SLC38A6: variants seen among roughly 807,000 people sequenced by gnomAD.
SLC38A6 encodes solute carrier family 38 member 6.
SLC38A6 carries 73 observed loss-of-function variants against 65.0 expected under a neutral mutation model. That is an observed-to-expected ratio of 1.12 (90% CI 0.93 to 1.37). The LOEUF is 1.37. Ranked by LOEUF, SLC38A6 falls within the 40% of genes most tolerant of loss-of-function variation. SLC38A6 has a pLI of 0.00. For missense variants in SLC38A6, 561 were observed against 531.1 expected (o/e 1.06, Z -0.55); for synonymous variants, 183 against 178.8 (o/e 1.02, Z -0.19).
At chr14:61,061,285 G>T (rs2042832120) in intron 15 of SLC38A6, among the ~76,000 whole-genome samples, 1 of 152,202 alleles carries the variant, frequency 6.6e-6, no homozygotes, top group Admixed American at 6.5e-5. Context: ...CCGTATAAGT[G>T]TACTTGATCA....
chr14:61,027,539 T>A (rs991572193), intron 5 of SLC38A6, among the ~76,000 whole-genome samples: 2 of 152,148 alleles, frequency 1.3e-5, no homozygotes, highest in East Asian at 3.9e-4. Flanking sequence ...AGACAGCTAT[T>A]TGATCTAGTA....
chr14:61,004,926 C>T lies in SLC38A6; in HGVS notation c.311-10978C>T, dbSNP rs529175197. 9.2e-5 allele frequency among the ~76,000 whole-genome samples: 14 copies of T among 152,130 alleles called. 1 individual carries two copies. The South Asian group carries it at 2.9e-3, about 32-fold the overall frequency. ...CCAATATCCTTGATGAACATGGATG[C>T]AAAAATCCTCAATAAAATACTGGCA... On this transcript the variant is annotated intron_variant, in intron 3 of 15. Coordinates refer to ENST00000267488, the MANE Select transcript of SLC38A6 (RefSeq NM_153811.3).
Position 61,050,649 on chromosome 14 carries a change from A to C in SLC38A6, c.1050+13A>C, listed in dbSNP as rs770148939. ...AATCCACTTCCCTGTAAGTACTCTT[A>C]AAGGGTTTTGTTGCCTAGTATAGAC... On this transcript the variant is annotated intron_variant, in intron 13 of 15. Coordinates refer to ENST00000267488, the MANE Select transcript of SLC38A6 (RefSeq NM_153811.3). The C allele has an allele frequency of 2.6e-6, 4 of 1,533,550 alleles. No homozygotes were observed. Among genetic ancestry groups the C allele is most frequent in the Non-Finnish European group, 3.5e-6 (4 of 1,130,866 alleles). 95.0% of individuals were successfully genotyped at this position (1,533,550 alleles called of 1,614,324 possible).
At chr14:61,069,121 G>A (rs1458388618) in intron 15 of SLC38A6, among the ~76,000 whole-genome samples, 1 of 152,162 alleles carries the variant, frequency 6.6e-6, no homozygotes, top group Non-Finnish European at 1.5e-5. Flanking sequence ...CCAAATCTCT[G>A]AGGGTTACGA....
At chr14:61,032,864 A>C (rs1251412881) in intron 6 of SLC38A6, among the ~76,000 whole-genome samples, 1 of 151,896 alleles carries the variant, frequency 6.6e-6, no homozygotes, top group African/African-American at 2.4e-5. Context: ...TTAGGGTTTG[A>C]TATACAATAA....
intron 5 of SLC38A6, among the ~76,000 whole-genome samples, chr14:61,020,840 C>T (rs2040307307): frequency 6.6e-6 from 1 of 152,122 alleles, no homozygotes; most frequent in Non-Finnish European, 1.5e-5. Flanking sequence ...TTTAATCCCT[C>T]TTTATCCTCT....
intron 8 of SLC38A6, 148 bp downstream of exon 8, chr14:61,037,831 T>G: frequency 3.7e-6 from 2 of 545,410 alleles, no homozygotes; most frequent in Non-Finnish European, 6.4e-6. Flanking sequence ...TCCATTAAAT[T>G]ATTTCCTTCA....
chr14:61,040,338 A>ATT (rs71114180), intron 8 of SLC38A6, among the ~76,000 whole-genome samples: 24 of 134,740 alleles, frequency 1.8e-4, no homozygotes, highest in Admixed American at 2.3e-4. Flanking sequence ...CGCCTGGATA[A>ATT]TTTTTTTTTT....
chr14:60,995,318 A>G (rs2139326069), intron 3 of SLC38A6, among the ~76,000 whole-genome samples: 1 of 152,324 alleles, frequency 6.6e-6, no homozygotes, highest in Non-Finnish European at 1.5e-5. Flanking sequence ...ATTTTCAACA[A>G]CATGCATAGA....
At chr14:61,039,807 G>A (rs1294557925) in intron 8 of SLC38A6, among the ~76,000 whole-genome samples, 2 of 151,898 alleles carry the variant, frequency 1.3e-5, no homozygotes, top group East Asian at 1.9e-4. Flanking sequence ...ATATGTGTTT[G>A]TAAATATGTA....
intron 5 of SLC38A6, among the ~76,000 whole-genome samples, chr14:61,027,754 C>G (rs1385014714): frequency 6.6e-6 from 1 of 151,754 alleles, no homozygotes; most frequent in Admixed American, 6.6e-5. Context: ...CTAGCTAGTT[C>G]TTACATGAAA....
At chr14:60,998,203 C>T (rs546128319) in intron 3 of SLC38A6, among the ~76,000 whole-genome samples, 1 of 151,868 alleles carries the variant, frequency 6.6e-6, no homozygotes, top group South Asian at 2.1e-4. Flanking sequence ...GCCCCCACCC[C>T]CCAAGCCTGG....
chr14:61,007,302 A>G (rs983116301), intron 3 of SLC38A6, among the ~76,000 whole-genome samples: 8 of 147,018 alleles, frequency 5.4e-5, no homozygotes, highest in Non-Finnish European at 8.9e-5. Context: ...GTGCACATGT[A>G]CCCTAAAACT....
chr14:61,013,778 T>C (rs530321915), intron 3 of SLC38A6, among the ~76,000 whole-genome samples: 15 of 152,214 alleles, frequency 9.9e-5, no homozygotes, highest in South Asian at 8.3e-4. Context: ...GGGCTTCCCA[T>C]TGTGGGTAAC....
At chr14:61,053,200 C>G (rs1013534181), downstream of SLC38A6, among the ~76,000 whole-genome samples, 1 of 152,080 alleles carries the variant, frequency 6.6e-6, no homozygotes, top group African/African-American at 2.4e-5. Flanking sequence ...CTGCAAAAGA[C>G]ATGATCTTAT....
At chr14:61,083,092 C>T (rs1247822469) in intron 16 of SLC38A6, among the ~76,000 whole-genome samples, 2 of 152,214 alleles carry the variant, frequency 1.3e-5, no homozygotes, top group Non-Finnish European at 2.9e-5. Flanking sequence ...TCTACCATTT[C>T]CTCCTGCTCT....
At chr14:61,073,382 A>C (rs1422570957) in intron 15 of SLC38A6, among the ~76,000 whole-genome samples, 1 of 152,006 alleles carries the variant, frequency 6.6e-6, no homozygotes, top group African/African-American at 2.4e-5. Flanking sequence ...TGGCCTAATC[A>C]CCTCTTAAAG....
intron 6 of SLC38A6, among the ~76,000 whole-genome samples, chr14:61,032,782 T>C (rs1456837397): frequency 6.6e-6 from 1 of 151,904 alleles, no homozygotes; most frequent in Admixed American, 6.6e-5. Flanking sequence ...AAAGGACAGT[T>C]TTTTTCTAGA....
chr14:61,009,228 A>G (rs541825139), intron 3 of SLC38A6, among the ~76,000 whole-genome samples: 1 of 152,294 alleles, frequency 6.6e-6, no homozygotes, highest in African/African-American at 2.4e-5. Flanking sequence ...TCACAAATTT[A>G]CCCCTGATCA....
Sources: allele counts gnomAD v4.1 joint callset (sites outside exome capture counted in the v4.1 genomes callset), GRCh38; gene constraint gnomAD v4.1.1; transcripts MANE v1.5; gene names NCBI Gene and HGNC (gene_info 2026-07-23, HGNC 2026-07-21).